The following TNFRSF19 variants were observed in gnomAD, a reference collection of about 807,000 sequenced individuals.
TNFRSF19 encodes the protein tumor necrosis factor receptor superfamily member 19.
In TNFRSF19, 27 loss-of-function variants were observed where a neutral mutation model predicts 46.4. The ratio of observed to expected loss-of-function variants is 0.58; its 90% confidence interval spans 0.43 to 0.80. TNFRSF19 has a LOEUF of 0.80. Among genes scored for constraint, TNFRSF19 ranks in the 30% least tolerant of loss-of-function variants. The pLI is 0.00. For missense variants in TNFRSF19, 511 were observed against 530.8 expected, an observed-to-expected ratio of 0.96 and a Z score of 0.37; for synonymous variants, 204 against 205.0, an observed-to-expected ratio of 1.00 and a Z score of 0.04.
intron 1 of TNFRSF19, among the ~76,000 whole-genome samples, chr13:23,579,686 G>A (rs1480214175): frequency 1.3e-5 from 2 of 152,210 alleles, no homozygotes; most frequent in African/African-American, 2.4e-5. Flanking sequence ...ACTGCGCGGC[G>A]AAGGGAACCC....
chr13:23,599,218 G>T (rs1879952593), intron 3 of TNFRSF19, among the ~76,000 whole-genome samples: 1 of 152,174 alleles, frequency 6.6e-6, no homozygotes, highest in South Asian at 2.1e-4. Context: ...TTTTCTGTGT[G>T]GGGTGTAAAA....
chr13:23,586,172 GGT>G (rs10609624), intron 1 of TNFRSF19, among the ~76,000 whole-genome samples: 21,598 of 150,410 alleles, frequency 0.14, 1,948 homozygotes, highest in African/African-American at 0.24. Flanking sequence ...GTAGGAGAAT[GGT>G]GTGAACCTGG....
At position 23,641,919 on chromosome 13, in the gene TNFRSF19, T is replaced by C. The variant is rs146886833; in HGVS notation, c.445+15127T>C. On this transcript the variant is annotated intron_variant, in intron 5 of 9. Transcript: ENST00000248484. Reference sequence around the variant, plus strand: ...CCTGCTTTAAATGTGCTCAGTACACTTATATTAGCCTACACTTGGGCAAAG... The same window carrying C: ...CCTGCTTTAAATGTGCTCAGTACACCTATATTAGCCTACACTTGGGCAAAG... Among the ~76,000 whole-genome samples the C allele has an allele frequency of 1.2e-4, 18 of 152,318 alleles. 1 individual carries two copies. The East Asian group carries it at 3.5e-3, about 29-fold the overall frequency.
chr13:23,586,903 C>T (rs1323980199), intron 1 of TNFRSF19, among the ~76,000 whole-genome samples: 2 of 152,066 alleles, frequency 1.3e-5, no homozygotes, highest in African/African-American at 4.8e-5. Context: ...GTAAACCAGG[C>T]ATCATTAGTC....
chr13:23,641,281 GCTGT>G lies in TNFRSF19; in HGVS notation c.445+14492_445+14495del, dbSNP rs1242602154. ...GGCACCTCAGCTATGTATTCTGAGA[GCTGT>G]CTATGTAATTGACAAATAATTAAAT... is the stretch of plus-strand genomic sequence containing the variant. On this transcript the variant is annotated intron_variant, in intron 5 of 9. Coordinates refer to ENST00000248484, the MANE Select transcript of TNFRSF19 (RefSeq NM_148957.4). Among the ~76,000 whole-genome samples the G allele has an allele frequency of 3.3e-5, 5 of 152,348 alleles. No homozygotes were observed. In the East Asian group the frequency reaches 7.7e-4, roughly 23 times the overall value.
intron 5 of TNFRSF19, among the ~76,000 whole-genome samples, chr13:23,656,288 T>C (rs1462684069): frequency 1.3e-5 from 2 of 152,218 alleles, no homozygotes; most frequent in Non-Finnish European, 2.9e-5. Flanking sequence ...GTATTAGATA[T>C]GTGTTAACAA....
In TNFRSF19 at chr13:23,628,134, G is replaced by C. The variant is rs1395445761; in HGVS notation, c.445+1342G>C. ...TCAATGAGAACACTAGTCCAGAGAG[G>C]TGAATCCTGTTCTGTTGTTGGCTGC... On this transcript the variant is annotated intron_variant, in intron 5 of 9. Coordinates refer to ENST00000248484, the MANE Select transcript of TNFRSF19 (RefSeq NM_148957.4). 2.6e-5 allele frequency among the ~76,000 whole-genome samples: 4 copies of C among 152,256 alleles called. No homozygotes were observed. The East Asian group carries it at 7.7e-4, about 29-fold the overall frequency.
intron 9 of TNFRSF19, 24 bp from the exon 10 acceptor site, chr13:23,673,348 G>T: frequency 6.3e-7 from 1 of 1,591,396 alleles, no homozygotes. Flanking sequence ...TATTTCTAAA[G>T]CTTCCTTTCT....
chr13:23,588,921 G>C (rs1879047295), intron 1 of TNFRSF19, among the ~76,000 whole-genome samples: 1 of 152,228 alleles, frequency 6.6e-6, no homozygotes, highest in Non-Finnish European at 1.5e-5. Context: ...TGCCCAGGCA[G>C]TGGACGTGGT....
At chr13:23,658,963 C>G in intron 5 of TNFRSF19, 87 bp from the exon 6 acceptor site, 1 of 1,560,682 alleles carries the variant, frequency 6.4e-7, no homozygotes, top group Non-Finnish European at 8.8e-7. Context: ...CATGGGAAGG[C>G]CACTGGTAAG....
In TNFRSF19 at chr13:23,616,046, G is replaced by A. The variant is rs746208060; in HGVS notation, c.359+1G>A. Reference sequence around the variant, plus strand: ...CCATCTGCGGGGACTGCTTGCCAGGGTGAGTTGGCCAGTTTCTTTCACTTG... The same window carrying A: ...CCATCTGCGGGGACTGCTTGCCAGGATGAGTTGGCCAGTTTCTTTCACTTG... On this transcript the variant is annotated splice_donor_variant, in intron 4 of 9. Coordinates refer to ENST00000248484, the MANE Select transcript of TNFRSF19 (RefSeq NM_148957.4). LOFTEE classifies it high-confidence loss of function. 1 of 1,587,204 alleles carries A rather than the reference G, an allele frequency of 6.3e-7. No individual in the cohort carries two copies. Among genetic ancestry groups the A allele is most frequent in the Non-Finnish European group, 8.6e-7 (1 of 1,163,708 alleles).
chr13:23,594,136 A>G (rs1436874002), intron 3 of TNFRSF19: 1 of 401,640 alleles, frequency 2.5e-6, no homozygotes, highest in Non-Finnish European at 4.9e-6. Context: ...AGGTGCCTAC[A>G]CCACTGGGGC....
chr13:23,576,165 G>A (rs1232506867), intron 1 of TNFRSF19, among the ~76,000 whole-genome samples: 1 of 146,766 alleles, frequency 6.8e-6, no homozygotes, highest in Non-Finnish European at 1.5e-5. Flanking sequence ...ACCGAGTCTT[G>A]CTCTGTCCCC....
chr13:23,591,730 T>TTC (rs1593237599), intron 2 of TNFRSF19, among the ~76,000 whole-genome samples: 2 of 142,720 alleles, frequency 1.4e-5, no homozygotes, highest in Non-Finnish European at 3.0e-5. Context: ...CTTTCTTTCT[T>TTC]TTTTTTTTTT....
At chr13:23,612,982 C>T (rs937458343) in intron 3 of TNFRSF19, among the ~76,000 whole-genome samples, 6 of 152,158 alleles carry the variant, frequency 3.9e-5, no homozygotes, top group African/African-American at 1.4e-4. Flanking sequence ...TAGCACGGTG[C>T]AGCAGTTGAC....
At chr13:23,584,289 T>C (rs534815330) in intron 1 of TNFRSF19, among the ~76,000 whole-genome samples, 3 of 152,256 alleles carry the variant, frequency 2.0e-5, no homozygotes, top group African/African-American at 7.2e-5. Flanking sequence ...TGCATCCTCA[T>C]AGCTTAGCTC....
chr13:23,579,286 G>T (rs1360924527), intron 1 of TNFRSF19: 1 of 152,298 alleles, frequency 6.6e-6, no homozygotes, highest in Non-Finnish European at 1.5e-5. Context: ...GGCGAGAGCC[G>T]CGGTGAGGGC....
intron 4 of TNFRSF19, among the ~76,000 whole-genome samples, chr13:23,624,119 C>T (rs1881842469): frequency 1.3e-5 from 2 of 152,100 alleles, no homozygotes; most frequent in Admixed American, 1.3e-4. Context: ...TCCAGTTTCT[C>T]CAACATTCCT....
intron 5 of TNFRSF19, among the ~76,000 whole-genome samples, chr13:23,629,308 G>A (rs897829760): frequency 3.3e-5 from 5 of 152,178 alleles, no homozygotes; most frequent in East Asian, 1.9e-4. Flanking sequence ...CAGGTGGCTC[G>A]GAGTCTGGTG....
Sources: gnomAD v4.1 joint callset for allele counts (sites outside exome capture counted in the v4.1 genomes callset) on GRCh38, gnomAD v4.1.1 for gene constraint, MANE v1.5 for transcripts, NCBI Gene and HGNC (gene_info 2026-07-23, HGNC 2026-07-21) for gene names.